ICA1: variants seen among roughly 807,000 people sequenced by gnomAD.
The protein encoded by ICA1 is 69 kDa islet cell autoantigen.
A neutral mutation model predicts 71.0 loss-of-function variants in ICA1; 40 were observed. The ratio of observed to expected loss-of-function variants is 0.56; its 90% confidence interval spans 0.44 to 0.73. ICA1 has a LOEUF of 0.73. ICA1 is among the 30% of genes least tolerant of loss of function. ICA1 has a pLI of 0.00. For missense variants in ICA1, 578 were observed against 576.5 expected (o/e 1.00, Z -0.03); for synonymous variants, 207 against 209.5 (o/e 0.99, Z 0.10).
chr7:8,141,925 C>CCACACACA (rs55773006), intron 9 of ICA1, 108 bp from the exon 10 acceptor site: 4 of 1,186,704 alleles, frequency 3.4e-6, no homozygotes, highest in Non-Finnish European at 3.6e-6. Flanking sequence ...AACACATACA[C>CCACACACA]CACACACACG....
chr7:8,141,714 A>T, intron 10 of ICA1, 51 bp downstream of exon 10: 1 of 1,128,870 alleles, frequency 8.9e-7, no homozygotes. Flanking sequence ...CTTGGCTGTT[A>T]AGCATTAAGT....
intron 1 of ICA1, among the ~76,000 whole-genome samples, chr7:8,240,557 T>G (rs904499012): frequency 6.6e-6 from 1 of 152,184 alleles, no homozygotes; most frequent in African/African-American, 2.4e-5. Context: ...GGATGGAGAA[T>G]GACTTTGACG....
intron 1 of ICA1, among the ~76,000 whole-genome samples, chr7:8,247,742 C>T (rs190257625): frequency 4.9e-4 from 75 of 152,242 alleles, no homozygotes; most frequent in South Asian, 1.7e-3. Flanking sequence ...CTGCAATGAA[C>T]GCTTGTTCTG....
In ICA1 at chr7:8,222,234, A is replaced by C. The variant is rs888836354; in HGVS notation, c.257-836T>G. On this transcript the variant is annotated intron_variant, in intron 4 of 13. Transcript: ENST00000402384. This position sits in a 1 kb window ranked among gnomAD's most constrained non-coding sequence, Gnocchi z 4.8. ...AATAGTGAAACACTCTCCTTATACT[A>C]GGAACTAGTTTAATAAAATACAGCA... 1.3e-5 allele frequency among the ~76,000 whole-genome samples: 2 copies of C among 152,172 alleles called. No homozygotes were observed. Among genetic ancestry groups the C allele is most frequent in the Non-Finnish European group, 2.9e-5 (2 of 68,034 alleles).
chr7:8,137,042 G>C (rs2128107919), intron 12 of ICA1, among the ~76,000 whole-genome samples: 2 of 150,274 alleles, frequency 1.3e-5, no homozygotes, highest in East Asian at 3.9e-4. Flanking sequence ...AAATTCTAAA[G>C]CCAAGAACCT....
intron 7 of ICA1, among the ~76,000 whole-genome samples, chr7:8,158,049 G>C (rs1025939695): frequency 2.0e-5 from 3 of 152,116 alleles, no homozygotes; most frequent in South Asian, 2.1e-4. Flanking sequence ...CCCTCAGTTG[G>C]TGCTCAGTAG....
chr7:8,122,155 C>G (rs1787227993), intron 13 of ICA1, among the ~76,000 whole-genome samples: 1 of 152,054 alleles, frequency 6.6e-6, no homozygotes, highest in South Asian at 2.1e-4. Flanking sequence ...GTGCCAAGAC[C>G]CCATGGTGGG....
intron 12 of ICA1, among the ~76,000 whole-genome samples, chr7:8,135,716 T>C (rs984189878): frequency 6.6e-6 from 1 of 152,234 alleles, no homozygotes; most frequent in African/African-American, 2.4e-5. Context: ...ATCACAAGTC[T>C]AGAAGTAGTA....
chr7:8,152,562 A>ACCACCT (rs1799238012), intron 8 of ICA1, among the ~76,000 whole-genome samples: 1 of 27,402 alleles, frequency 3.6e-5, no homozygotes, highest in African/African-American at 9.8e-5. Flanking sequence ...CTCCACCACC[A>ACCACCT]CCACCACCAC....
chr7:8,194,319 C>T (rs960134005), intron 6 of ICA1, among the ~76,000 whole-genome samples: 1 of 152,150 alleles, frequency 6.6e-6, no homozygotes. Flanking sequence ...GTGAAAATGA[C>T]TTACAGAAGC....
chr7:8,224,211 T>C (rs1427574228), intron 4 of ICA1, among the ~76,000 whole-genome samples: 1 of 152,194 alleles, frequency 6.6e-6, no homozygotes. Flanking sequence ...AAGGCATCTC[T>C]GAGCAGCTGA....
At chr7:8,210,093 A>G (rs1793121609) in intron 6 of ICA1, among the ~76,000 whole-genome samples, 2 of 152,234 alleles carry the variant, frequency 1.3e-5, no homozygotes, top group Admixed American at 6.5e-5. Flanking sequence ...AGACATGATC[A>G]CTTTATGTTA....
intron 6 of ICA1, among the ~76,000 whole-genome samples, chr7:8,172,685 T>C (rs1808811093): frequency 6.6e-6 from 1 of 152,210 alleles, no homozygotes. Flanking sequence ...ATAAACCATC[T>C]AGAAGTGATC....
At chr7:8,201,893 C>G (rs777579968) in intron 6 of ICA1, among the ~76,000 whole-genome samples, 1 of 152,074 alleles carries the variant, frequency 6.6e-6, no homozygotes, top group Non-Finnish European at 1.5e-5. Flanking sequence ...ACCAGGCATT[C>G]CCCTGGCCAC....
intron 13 of ICA1, among the ~76,000 whole-genome samples, chr7:8,119,888 A>G (rs1786198617): frequency 6.6e-6 from 1 of 152,200 alleles, no homozygotes; most frequent in African/African-American, 2.4e-5. Flanking sequence ...TACAAATTAT[A>G]TTTTCAAACA....
At chr7:8,116,478 A>G (rs887915646) in intron 13 of ICA1, 1 of 152,252 alleles carries the variant, frequency 6.6e-6, no homozygotes, top group Non-Finnish European at 1.5e-5. Context: ...GGAGATATGC[A>G]TCATCGAACC....
intron 5 of ICA1, among the ~76,000 whole-genome samples, chr7:8,220,643 C>T (rs552523369): frequency 1.0e-3 from 155 of 149,468 alleles, no homozygotes; most frequent in African/African-American, 3.1e-3. Context: ...AAATGAGTCA[C>T]GGTTGTGTTA....
Position 8,194,675 on chromosome 7 carries a change from T to A in ICA1, c.579+23630A>T, listed in dbSNP as rs1204026169. Among the ~76,000 whole-genome samples, 4 of 152,216 alleles carry A rather than the reference T, an allele frequency of 2.6e-5. No homozygotes were observed. The South Asian group carries it at 8.3e-4, about 31-fold the overall frequency. On this transcript the variant is annotated intron_variant, in intron 6 of 13. Transcript: ENST00000402384. ...TATGTACAAAAAGTTTCAGACAGCA[T>A]TTATTTGCTCACAAATGTAAGCAAC...
rs1172845988 is a variant in ICA1, at chr7:8,123,900, A to C, written c.1330+3973T>G. ...AAAATCCGGCCTGCCCGTTAACAGG[A>C]GTGTGATCTTGGGCACATCACTTAA... On this transcript the variant is annotated intron_variant, in intron 13 of 13. Coordinates refer to ENST00000402384, the MANE Select transcript of ICA1 (RefSeq NM_001136020.3). The surrounding 1 kb of genome is among the most constrained non-coding windows in gnomAD (Gnocchi z 4.1). 6.6e-6 allele frequency among the ~76,000 whole-genome samples: 1 copy of C among 152,220 alleles called. No individual in the cohort carries two copies. The highest frequency in any genetic ancestry group is 1.9e-4 in the East Asian group (1 of 5,192).
Sources: allele counts gnomAD v4.1 joint callset (sites outside exome capture counted in the v4.1 genomes callset), GRCh38; gene constraint gnomAD v4.1.1; non-coding constraint Gnocchi (gnomAD v3.1); transcripts MANE v1.5; gene names NCBI Gene and HGNC (gene_info 2026-07-23, HGNC 2026-07-21).